The following TRAPPC9 variants were observed in gnomAD, a reference collection of about 807,000 sequenced individuals.
TRAPPC9 encodes the protein trafficking protein particle complex subunit 9.
In TRAPPC9, 83 loss-of-function variants were observed where a neutral mutation model predicts 124.0. The ratio of observed to expected loss-of-function variants is 0.67; its 90% confidence interval spans 0.56 to 0.80. The LOEUF (loss-of-function observed/expected upper bound fraction) is 0.80. Among genes scored for constraint, TRAPPC9 ranks in the 30% least tolerant of loss-of-function variants. The probability of loss-of-function intolerance (pLI) is 0.00; values close to 1 mark genes in which losing one functional copy is unlikely to be tolerated. For missense variants in TRAPPC9, 1,302 were observed against 1,508.3 expected, an observed-to-expected ratio of 0.86 and a Z score of 2.27; for synonymous variants, 638 against 617.5, an observed-to-expected ratio of 1.03 and a Z score of -0.49.
intron 21 of TRAPPC9, among the ~76,000 whole-genome samples, chr8:139,744,081 G>C (rs1818733349): frequency 6.6e-6 from 1 of 152,190 alleles, no homozygotes; most frequent in African/African-American, 2.4e-5. Flanking sequence ...AGGTACGCAT[G>C]AACACGCACT....
intron 19 of TRAPPC9, among the ~76,000 whole-genome samples, chr8:139,929,938 C>A (rs1399777325): frequency 2.6e-5 from 4 of 152,232 alleles, no homozygotes; most frequent in Admixed American, 6.5e-5. Flanking sequence ...GGAGCAAGCA[C>A]CACCTTGTAG....
At chr8:139,794,258 C>T (rs1421192360) in intron 21 of TRAPPC9, among the ~76,000 whole-genome samples, 1 of 152,216 alleles carries the variant, frequency 6.6e-6, no homozygotes, top group African/African-American at 2.4e-5. Flanking sequence ...CTTGGTGGTC[C>T]CCTAACGATG....
intron 17 of TRAPPC9, among the ~76,000 whole-genome samples, chr8:140,120,997 T>C (rs1189985657): frequency 6.6e-6 from 1 of 152,250 alleles, no homozygotes; most frequent in Non-Finnish European, 1.5e-5. Flanking sequence ...GCATATGCCA[T>C]CAACAAATAC....
At chr8:139,867,071 T>G (rs1373172518) in intron 21 of TRAPPC9, among the ~76,000 whole-genome samples, 1 of 152,174 alleles carries the variant, frequency 6.6e-6, no homozygotes, top group Non-Finnish European at 1.5e-5. Context: ...TAACCTCAAG[T>G]GATCCGCCCG....
intron 17 of TRAPPC9, among the ~76,000 whole-genome samples, chr8:140,032,782 T>A (rs1309281206): frequency 1.3e-5 from 2 of 152,198 alleles, no homozygotes; most frequent in African/African-American, 4.8e-5. Context: ...AAAAAACAAA[T>A]CTTGTCATTT....
intron 19 of TRAPPC9, among the ~76,000 whole-genome samples, chr8:139,924,338 G>A (rs1832680804): frequency 6.6e-6 from 1 of 152,212 alleles, no homozygotes; most frequent in South Asian, 2.1e-4. Context: ...TGCTTCCCAT[G>A]GACGACAGGA....
At chr8:140,247,969 T>C (rs1292177723) in intron 16 of TRAPPC9, among the ~76,000 whole-genome samples, 1 of 152,212 alleles carries the variant, frequency 6.6e-6, no homozygotes, top group African/African-American at 2.4e-5. Flanking sequence ...TCATTATGGG[T>C]TTTTGTAATT....
At chr8:140,161,011 C>T (rs973674989) in intron 17 of TRAPPC9, among the ~76,000 whole-genome samples, 5 of 152,090 alleles carry the variant, frequency 3.3e-5, no homozygotes, top group East Asian at 3.9e-4. Flanking sequence ...TATTTTTATC[C>T]GTTTTACAGA....
At chr8:140,149,338 G>C (rs1289155254) in intron 17 of TRAPPC9, among the ~76,000 whole-genome samples, 2 of 152,124 alleles carry the variant, frequency 1.3e-5, no homozygotes, top group Non-Finnish European at 2.9e-5. Context: ...TATTCCCCGG[G>C]GCCAGGTGTG....
chr8:140,235,912 C>A (rs1463696327), intron 16 of TRAPPC9, among the ~76,000 whole-genome samples: 1 of 151,960 alleles, frequency 6.6e-6, no homozygotes, highest in South Asian at 2.1e-4. Flanking sequence ...TAAAAAAGAA[C>A]AAATGCAACA....
At chr8:140,228,959 A>G (rs563648403) in intron 16 of TRAPPC9, among the ~76,000 whole-genome samples, 1 of 152,346 alleles carries the variant, frequency 6.6e-6, no homozygotes, top group African/African-American at 2.4e-5. Context: ...GGAAGTCATA[A>G]GAATTCATCT....
intron 21 of TRAPPC9, among the ~76,000 whole-genome samples, chr8:139,830,622 A>G (rs1454221240): frequency 6.6e-6 from 1 of 151,978 alleles, no homozygotes; most frequent in Non-Finnish European, 1.5e-5. Flanking sequence ...ACGCATACAC[A>G]CACATGCATA....
In TRAPPC9 at chr8:140,208,895, G is replaced by T. The variant is rs1458036587; in HGVS notation, c.2556+12564C>A. ...GGTGGGATGTGAAACCCACATATTT[G>T]CAGGGCCAACTTTTCATATGCAGGG... On this transcript the variant is annotated intron_variant, in intron 17 of 22. Coordinates refer to ENST00000438773, the MANE Select transcript of TRAPPC9 (RefSeq NM_001160372.4). Among the ~76,000 whole-genome samples, 3 of 152,176 alleles carry T rather than the reference G, an allele frequency of 2.0e-5. No homozygotes were observed. In the South Asian group the frequency reaches 6.2e-4, roughly 32 times the overall value.
upstream of TRAPPC9, chr8:140,458,440 G>A: frequency 6.3e-7 from 1 of 1,581,860 alleles, no homozygotes. Context: ...GTGGGTGACC[G>A]TGGCGCGCGC....
chr8:140,272,433 T>C (rs1431377205), intron 15 of TRAPPC9, among the ~76,000 whole-genome samples: 2 of 150,968 alleles, frequency 1.3e-5, no homozygotes, highest in Admixed American at 6.6e-5. Context: ...GTGGTGATGG[T>C]AGTGATGGTG....
rs981645640 is a variant in TRAPPC9, at chr8:139,730,082, C to A, written c.*979G>T. ...TCCTCCCTGAGGAACGCAGGGCCAG[C>A]TGCCCACTGTGGCGGCAGCTCGGGC... is the stretch of plus-strand genomic sequence containing the variant. On this transcript the variant is annotated 3_prime_UTR_variant, in exon 23 of 23. Transcript: ENST00000438773. Among the ~76,000 whole-genome samples the A allele has an allele frequency of 4.6e-5, 7 of 152,284 alleles. No individual in the cohort carries two copies. Among genetic ancestry groups the A allele is most frequent in the South Asian group, 4.1e-4 (2 of 4,826 alleles).
In TRAPPC9 at chr8:140,283,984, A is replaced by G; in HGVS notation, c.2019T>C (p.Cys673=). The change falls in exon 14 of 23, where the codon TGT becomes TGC. Residue 673 remains cysteine, a synonymous_variant. Coordinates refer to ENST00000438773, the MANE Select transcript of TRAPPC9 (RefSeq NM_001160372.4). ...HTTVFGVFSD[C]LLDNLPGIKT... ...TTATTCCCGGCAGGTTATCCAGCAAACAGTCACTGAACACACCGAAGACCG... is the reference window on the plus strand; with the variant it reads ...TTATTCCCGGCAGGTTATCCAGCAAGCAGTCACTGAACACACCGAAGACCG... 6 of 1,614,168 alleles carry G rather than the reference A, an allele frequency of 3.7e-6. No homozygotes were observed. Among genetic ancestry groups the G allele is most frequent in the Non-Finnish European group, 5.1e-6 (6 of 1,180,024 alleles).
intron 10 of TRAPPC9, among the ~76,000 whole-genome samples, chr8:140,304,835 C>T (rs2066079789): frequency 6.6e-6 from 1 of 151,962 alleles, no homozygotes; most frequent in Admixed American, 6.6e-5. Flanking sequence ...TAGATGCTGG[C>T]AGCAGGGGGG....
chr8:139,879,710 C>T (rs182238573), intron 21 of TRAPPC9, among the ~76,000 whole-genome samples: 1 of 152,232 alleles, frequency 6.6e-6, no homozygotes, highest in East Asian at 1.9e-4. Context: ...TGGAGTTCCT[C>T]GAGGGAATGA....
Sources: gnomAD v4.1 joint callset for allele counts (sites outside exome capture counted in the v4.1 genomes callset) on GRCh38, gnomAD v4.1.1 for gene constraint, MANE v1.5 for transcripts, NCBI Gene and HGNC (gene_info 2026-07-23, HGNC 2026-07-21) for gene names.